Variants in RORB observed in about 807,000 individuals in gnomAD.
RORB encodes the protein nuclear receptor ROR-beta.
In RORB, 6 loss-of-function variants were observed where a neutral mutation model predicts 59.1. The ratio of observed to expected loss-of-function variants is 0.10; its 90% CI spans 0.06 to 0.20. The LOEUF (loss-of-function observed/expected upper bound fraction) is 0.20. RORB is among the 10% of genes least tolerant of loss of function. The probability of loss-of-function intolerance (pLI) is 1.00; values close to 1 mark genes in which losing one functional copy is unlikely to be tolerated. For missense variants in RORB, 320 were observed against 560.5 expected, an observed-to-expected ratio of 0.57 and a Z score of 4.33; for synonymous variants, 215 against 204.5, an observed-to-expected ratio of 1.05 and a Z score of -0.44.
At chr9:74,575,194 C>T (rs949241789) in intron 1 of RORB, among the ~76,000 whole-genome samples, 2 of 152,116 alleles carry the variant, frequency 1.3e-5, no homozygotes, top group Non-Finnish European at 2.9e-5. Flanking sequence ...ACATTGTTTA[C>T]TCTTTAAAAT....
chr9:74,668,823 A>T (rs1824306868), intron 8 of RORB, among the ~76,000 whole-genome samples: 5 of 152,090 alleles, frequency 3.3e-5, no homozygotes, highest in Admixed American at 3.3e-4. Context: ...ATATAACTTG[A>T]CCTACACAGT....
intron 1 of RORB, among the ~76,000 whole-genome samples, chr9:74,533,384 G>A (rs916042794): frequency 1.7e-4 from 26 of 152,030 alleles, no homozygotes; most frequent in South Asian, 6.2e-4. Context: ...CTACATTTTT[G>A]AAATGTTCTG....
chr9:74,578,356 A>G (rs921980013), intron 1 of RORB, among the ~76,000 whole-genome samples: 1 of 152,128 alleles, frequency 6.6e-6, no homozygotes, highest in African/African-American at 2.4e-5. Context: ...AGCATTATGA[A>G]GATCCAAACT....
rs541370037 is a variant in RORB, at chr9:74,610,628, C to A, written c.8-19654C>A. ...TTTGGGGGAGACACACACATTCAGACCACAGCATCACCATTTTACAGATGA... is the reference window on the plus strand; with the variant it reads ...TTTGGGGGAGACACACACATTCAGAACACAGCATCACCATTTTACAGATGA... On this transcript the variant is annotated intron_variant, in intron 1 of 9. Transcript: ENST00000376896. Among the ~76,000 whole-genome samples, 21 of 152,278 alleles carry A rather than the reference C, an allele frequency of 1.4e-4. No homozygotes were observed. The East Asian group carries it at 4.1e-3, about 29-fold the overall frequency.
At chr9:74,639,293 C>T (rs1249887616) in intron 3 of RORB, among the ~76,000 whole-genome samples, 1 of 152,208 alleles carries the variant, frequency 6.6e-6, no homozygotes, top group Non-Finnish European at 1.5e-5. Context: ...TGCTGTGTCA[C>T]ATTTGTCAAT....
At chr9:74,627,020 G>A (rs934030535) in intron 1 of RORB, among the ~76,000 whole-genome samples, 3 of 152,022 alleles carry the variant, frequency 2.0e-5, no homozygotes, top group Non-Finnish European at 4.4e-5. Flanking sequence ...AAATTAGCTG[G>A]GCATGGTGGC....
At chr9:74,675,384 C>G (rs941542776) in intron 9 of RORB, among the ~76,000 whole-genome samples, 1 of 151,544 alleles carries the variant, frequency 6.6e-6, no homozygotes, top group Non-Finnish European at 1.5e-5. Context: ...GAGGAGGCAG[C>G]CCATCTGTTC....
chr9:74,587,529 G>A (rs1822819480), intron 1 of RORB, among the ~76,000 whole-genome samples: 1 of 152,136 alleles, frequency 6.6e-6, no homozygotes, highest in Non-Finnish European at 1.5e-5. Flanking sequence ...GTGAGTCTGT[G>A]GGTCAACTGG....
intron 1 of RORB, among the ~76,000 whole-genome samples, chr9:74,589,968 C>G (rs967841996): frequency 3.3e-5 from 5 of 152,220 alleles, no homozygotes; most frequent in African/African-American, 1.2e-4. Context: ...AAATCAAATT[C>G]CACCTCCTCC....
intron 1 of RORB, among the ~76,000 whole-genome samples, chr9:74,568,364 A>G (rs947773992): frequency 5.3e-5 from 8 of 152,130 alleles, no homozygotes; most frequent in Admixed American, 2.0e-4. Flanking sequence ...AAATTAGCAC[A>G]ATAAATATGA....
At chr9:74,542,704 C>T (rs1826427561) in intron 1 of RORB, among the ~76,000 whole-genome samples, 1 of 152,180 alleles carries the variant, frequency 6.6e-6, no homozygotes, top group South Asian at 2.1e-4. Flanking sequence ...AAAATTGTGG[C>T]TAACTCTACT....
chr9:74,597,261 G>T (rs1822982190), intron 1 of RORB, among the ~76,000 whole-genome samples: 1 of 152,174 alleles, frequency 6.6e-6, no homozygotes. Flanking sequence ...CCAAGTTTTA[G>T]TCTCAATTCA....
intron 3 of RORB, among the ~76,000 whole-genome samples, chr9:74,635,362 A>G (rs765186708): frequency 1.3e-5 from 2 of 152,152 alleles, no homozygotes; most frequent in Non-Finnish European, 2.9e-5. Flanking sequence ...TCAGAATGTC[A>G]TACCTTCTAC....
At chr9:74,550,296 A>G (rs1826586986) in intron 1 of RORB, among the ~76,000 whole-genome samples, 2 of 152,192 alleles carry the variant, frequency 1.3e-5, no homozygotes, top group South Asian at 4.1e-4. Flanking sequence ...GACATTAGAG[A>G]GCAAAACTCA....
chr9:74,556,217 C>T (rs936192778), intron 1 of RORB, among the ~76,000 whole-genome samples: 1 of 152,098 alleles, frequency 6.6e-6, no homozygotes, highest in Non-Finnish European at 1.5e-5. Flanking sequence ...TGTGGGAAGA[C>T]GGAAGCATTA....
intron 1 of RORB, among the ~76,000 whole-genome samples, chr9:74,558,289 G>A (rs762609528): frequency 6.6e-6 from 1 of 152,090 alleles, no homozygotes; most frequent in Non-Finnish European, 1.5e-5. Context: ...AGTTGAGCTC[G>A]AGCAGGATGG....
At chr9:74,672,668 G>T (rs1349654344) in intron 9 of RORB, among the ~76,000 whole-genome samples, 1 of 152,152 alleles carries the variant, frequency 6.6e-6, no homozygotes, top group Non-Finnish European at 1.5e-5. Context: ...AATTCTCAAT[G>T]ATTGATATTC....
intron 1 of RORB, among the ~76,000 whole-genome samples, chr9:74,503,191 A>C (rs1174704893): frequency 6.6e-6 from 1 of 152,066 alleles, no homozygotes; most frequent in Non-Finnish European, 1.5e-5. Flanking sequence ...CCTTTGATGA[A>C]ATAAGCACTC....
At chr9:74,679,499 G>A (rs534056278) in intron 9 of RORB, among the ~76,000 whole-genome samples, 39 of 152,218 alleles carry the variant, frequency 2.6e-4, no homozygotes, top group Non-Finnish European at 5.0e-4. Context: ...GATCCCCCAA[G>A]TTTTTAAATT....
Sources: allele counts gnomAD v4.1 joint callset (sites outside exome capture counted in the v4.1 genomes callset), GRCh38; gene constraint gnomAD v4.1.1; transcripts MANE v1.5; gene names NCBI Gene and HGNC (gene_info 2026-07-23, HGNC 2026-07-21).